Variants in RAD51B observed in about 807,000 individuals in gnomAD.
RAD51B encodes DNA repair protein RAD51 homolog 2.
Under a neutral mutation model 42.2 loss-of-function variants are expected in RAD51B, and 38 were observed. That is an observed-to-expected ratio of 0.90 (90% CI 0.70 to 1.18). The LOEUF (loss-of-function observed/expected upper bound fraction) is 1.18. Ranked by LOEUF, RAD51B falls within the 50% of genes most tolerant of loss-of-function variation. The probability of loss-of-function intolerance (pLI) is 0.00; values close to 1 mark genes in which losing one functional copy is unlikely to be tolerated. For synonymous variants in RAD51B, 154 were observed against 145.2 expected, an observed-to-expected ratio of 1.06 and a Z score of -0.43; for missense variants, 373 against 400.7, an observed-to-expected ratio of 0.93 and a Z score of 0.59.
At chr14:67,903,857 A>G (rs2043691537) in intron 7 of RAD51B, among the ~76,000 whole-genome samples, 1 of 152,176 alleles carries the variant, frequency 6.6e-6, no homozygotes, top group East Asian at 1.9e-4. Context: ...TTACCCAGGT[A>G]ATAAGCATAG....
chr14:68,671,425 C>T (rs142538803), intron 11 of RAD51B, among the ~76,000 whole-genome samples: 3 of 152,222 alleles, frequency 2.0e-5, no homozygotes, highest in Admixed American at 1.3e-4. Flanking sequence ...TTCACCTTGG[C>T]CAGACATACA....
intron 10 of RAD51B, among the ~76,000 whole-genome samples, chr14:68,532,216 A>G (rs2525518): frequency 0.92 from 140,291 of 152,116 alleles, 65,530 homozygotes; most frequent in Non-Finnish European, 0.99. Flanking sequence ...GATTAAGCCT[A>G]AAAAAAGCAG....
chr14:68,025,512 G>A (rs573285695), intron 7 of RAD51B, among the ~76,000 whole-genome samples: 1 of 136,966 alleles, frequency 7.3e-6, no homozygotes, highest in South Asian at 2.3e-4. Flanking sequence ...TTGGTTGGTA[G>A]GGTTTTTAAA....
chr14:67,962,198 A>G (rs2074684228), intron 7 of RAD51B, among the ~76,000 whole-genome samples: 1 of 152,174 alleles, frequency 6.6e-6, no homozygotes, highest in Non-Finnish European at 1.5e-5. Flanking sequence ...AGATGAAAGC[A>G]ATTTGGTTAA....
chr14:68,656,296 C>G (rs111830576), intron 11 of RAD51B, among the ~76,000 whole-genome samples: 2 of 152,302 alleles, frequency 1.3e-5, no homozygotes, highest in African/African-American at 4.8e-5. Context: ...TCTCAGCCCA[C>G]CCACAGAGAT....
At chr14:68,252,825 A>C (rs1366248943) in intron 7 of RAD51B, among the ~76,000 whole-genome samples, 1 of 152,250 alleles carries the variant, frequency 6.6e-6, no homozygotes, top group East Asian at 1.9e-4. Flanking sequence ...TCACTCCTGT[A>C]ATCCTAGCGC....
intron 10 of RAD51B, among the ~76,000 whole-genome samples, chr14:68,594,098 G>C (rs1890877095): frequency 6.6e-6 from 1 of 152,168 alleles, no homozygotes; most frequent in Non-Finnish European, 1.5e-5. Context: ...TTTGCCCAAG[G>C]GCAGTCTTGT....
At chr14:67,890,859 C>G (rs1371019579) in intron 7 of RAD51B, among the ~76,000 whole-genome samples, 2 of 151,638 alleles carry the variant, frequency 1.3e-5, no homozygotes, top group Non-Finnish European at 2.9e-5. Flanking sequence ...TGCTGAAATT[C>G]TTATGTTTTT....
intron 7 of RAD51B, among the ~76,000 whole-genome samples, chr14:67,911,295 T>C (rs1034175891): frequency 5.9e-5 from 9 of 152,216 alleles, no homozygotes; most frequent in African/African-American, 2.2e-4. Flanking sequence ...CCTATGAGTT[T>C]GTTGGAAATG....
At chr14:68,529,174 A>G (rs1032473550) in intron 10 of RAD51B, among the ~76,000 whole-genome samples, 2 of 152,196 alleles carry the variant, frequency 1.3e-5, no homozygotes, top group Non-Finnish European at 2.9e-5. Flanking sequence ...ACTTCTAAAA[A>G]TGAAACACTG....
intron 10 of RAD51B, among the ~76,000 whole-genome samples, chr14:68,530,671 C>T (rs545632019): frequency 1.1e-4 from 16 of 151,722 alleles, no homozygotes; most frequent in Non-Finnish European, 1.9e-4. Context: ...TTTCAAGAGC[C>T]GATTTAAAAG....
chr14:68,295,815 A>T (rs551115180), intron 8 of RAD51B, among the ~76,000 whole-genome samples: 1 of 152,242 alleles, frequency 6.6e-6, no homozygotes, highest in African/African-American at 2.4e-5. Flanking sequence ...TCAAGGGAGC[A>T]CTGTTTAAGC....
At chr14:67,993,324 C>G (rs893002115) in intron 7 of RAD51B, among the ~76,000 whole-genome samples, 1 of 152,040 alleles carries the variant, frequency 6.6e-6, no homozygotes, top group African/African-American at 2.4e-5. Flanking sequence ...CACTAACTAT[C>G]CCACCCTCCC....
intron 10 of RAD51B, among the ~76,000 whole-genome samples, chr14:68,571,510 C>T (rs1338329740): frequency 2.0e-5 from 3 of 152,186 alleles, no homozygotes; most frequent in Admixed American, 6.5e-5. Context: ...CACAGCTCTC[C>T]GACCAATCAT....
chr14:68,563,825 G>A (rs1404029735), intron 10 of RAD51B: 2 of 985,410 alleles, frequency 2.0e-6, no homozygotes, highest in Middle Eastern at 5.2e-4. Flanking sequence ...TCCTTGGAAC[G>A]TGCTTTTTTA....
intron 7 of RAD51B, among the ~76,000 whole-genome samples, chr14:68,145,890 A>T (rs2078237439): frequency 6.6e-6 from 1 of 152,214 alleles, no homozygotes; most frequent in Admixed American, 6.5e-5. Context: ...TAGAATATAT[A>T]GTCTATGTAG....
intron 4 of RAD51B, among the ~76,000 whole-genome samples, chr14:67,856,506 TA>T (rs1233321863): frequency 3.3e-5 from 5 of 152,260 alleles, no homozygotes; most frequent in African/African-American, 1.2e-4. Flanking sequence ...TGGAGGTCAT[TA>T]AAAAATATTT....
chr14:68,185,586 C>T (rs1209278674), intron 7 of RAD51B, among the ~76,000 whole-genome samples: 1 of 151,932 alleles, frequency 6.6e-6, no homozygotes, highest in Non-Finnish European at 1.5e-5. Flanking sequence ...GAATAGAATT[C>T]AGGCAGACGA....
intron 7 of RAD51B, among the ~76,000 whole-genome samples, chr14:68,051,184 A>C (rs907761487): frequency 1.3e-5 from 2 of 151,974 alleles, no homozygotes; most frequent in African/African-American, 4.8e-5. Context: ...ATAATGTTAA[A>C]ATTTATATAG....
Sources: gnomAD v4.1 joint callset for allele counts (sites outside exome capture counted in the v4.1 genomes callset) on GRCh38, gnomAD v4.1.1 for gene constraint, MANE v1.5 for transcripts, NCBI Gene and HGNC (gene_info 2026-07-23, HGNC 2026-07-21) for gene names.